The following CD96 variants were observed in gnomAD, a reference collection of about 807,000 sequenced individuals.
CD96 encodes the protein CD96 molecule, also known as T-cell surface protein tactile.
A neutral mutation model predicts 71.3 loss-of-function variants in CD96; 70 were observed. That is an observed-to-expected ratio of 0.98 (90% CI 0.81 to 1.20). The LOEUF is 1.20. CD96 is among the 50% of genes most tolerant of loss of function. The pLI is 0.00. For synonymous variants in CD96, 248 were observed against 233.0 expected (o/e 1.06, Z -0.59); for missense variants, 742 against 677.5 (o/e 1.10, Z -1.06).
chr3:111,584,740 C>T (rs901470548), intron 4 of CD96, among the ~76,000 whole-genome samples: 2 of 152,172 alleles, frequency 1.3e-5, no homozygotes, highest in African/African-American at 4.8e-5. Context: ...AATTACCTCT[C>T]GCTGGGTCTC....
chr3:111,542,395 G>T (rs1448191660), intron 1 of CD96, 86 bp downstream of exon 1: 7 of 815,676 alleles, frequency 8.6e-6, no homozygotes, highest in Non-Finnish European at 1.3e-5. Context: ...CCTTGTGACT[G>T]CTGCTGAAAT....
At chr3:111,645,284 A>G (rs943793382) in intron 12 of CD96, among the ~76,000 whole-genome samples, 2 of 152,170 alleles carry the variant, frequency 1.3e-5, no homozygotes, top group Admixed American at 6.6e-5. Flanking sequence ...AAAACCAAAC[A>G]TCATATGTTC....
chr3:111,577,623 T>G, intron 3 of CD96: 1 of 944,218 alleles, frequency 1.1e-6, no homozygotes, highest in Non-Finnish European at 1.8e-6. Flanking sequence ...ATACTATCTG[T>G]ATGTAAGACT....
chr3:111,583,543 T>A (rs1936567028), intron 4 of CD96, among the ~76,000 whole-genome samples: 1 of 152,218 alleles, frequency 6.6e-6, no homozygotes, highest in South Asian at 2.1e-4. Flanking sequence ...GGCCCCGCCC[T>A]TGCAGCAAAC....
At chr3:111,546,809 G>C (rs1934418304) in intron 2 of CD96, among the ~76,000 whole-genome samples, 1 of 151,836 alleles carries the variant, frequency 6.6e-6, no homozygotes, top group African/African-American at 2.4e-5. Context: ...TATGCTGTTG[G>C]AACAGTCCAC....
chr3:111,641,225 C>T (rs1228618015), intron 12 of CD96, among the ~76,000 whole-genome samples: 2 of 152,154 alleles, frequency 1.3e-5, no homozygotes, highest in South Asian at 2.1e-4. Flanking sequence ...AGAACTTACC[C>T]ATCAACTATT....
chr3:111,656,330 G>A (rs958519079), downstream of CD96, among the ~76,000 whole-genome samples: 5 of 152,152 alleles, frequency 3.3e-5, no homozygotes, highest in African/African-American at 9.7e-5. Context: ...CCATTTAGTT[G>A]TCATGAATTT....
At chr3:111,618,087 A>C (rs535072781) in intron 8 of CD96, among the ~76,000 whole-genome samples, 11 of 152,200 alleles carry the variant, frequency 7.2e-5, no homozygotes, top group Admixed American at 2.6e-4. Flanking sequence ...CTCAGCAGCC[A>C]GTGTGCCTGG....
intron 14 of CD96, among the ~76,000 whole-genome samples, chr3:111,659,938 C>G (rs750554849): frequency 2.6e-5 from 4 of 152,172 alleles, no homozygotes; most frequent in Non-Finnish European, 4.4e-5. Flanking sequence ...TAGGCAAAAG[C>G]TCAAGCCATT....
chr3:111,644,134 C>T lies in CD96; in HGVS notation c.1478-3409C>T, dbSNP rs141889142. ...AACAGCATGCTACTGGTATAAAATA[C>T]GCACATAGACCAATGGAACAGAATA... On this transcript the variant is annotated intron_variant, in intron 12 of 13. Transcript: ENST00000352690. 1.5e-3 allele frequency among the ~76,000 whole-genome samples: 228 copies of T among 152,112 alleles called. 1 individual carries two copies. Among genetic ancestry groups the T allele is most frequent in the African/African-American group, 4.8e-3 (200 of 41,530 alleles).
downstream of CD96, among the ~76,000 whole-genome samples, chr3:111,656,750 G>A (rs1940239326): frequency 1.3e-5 from 2 of 152,116 alleles, no homozygotes; most frequent in South Asian, 4.1e-4. Flanking sequence ...GGAAAAAGGT[G>A]AAGTACAAAG....
At chr3:111,657,460 A>C (rs12633995) in intron 14 of CD96, among the ~76,000 whole-genome samples, 1 of 151,654 alleles carries the variant, frequency 6.6e-6, no homozygotes, top group Non-Finnish European at 1.5e-5. Flanking sequence ...ACAAAATTTG[A>C]CTATATATTT....
chr3:111,645,462 A>G (rs1012115487), intron 12 of CD96, among the ~76,000 whole-genome samples: 13 of 152,048 alleles, frequency 8.5e-5, no homozygotes, highest in Non-Finnish European at 5.9e-5. Flanking sequence ...CTCACAAATC[A>G]CCACTAAAGA....
At chr3:111,585,259 C>A in intron 4 of CD96, 64 bp from the exon 5 acceptor site, 1 of 891,886 alleles carries the variant, frequency 1.1e-6, no homozygotes, top group African/African-American at 1.6e-5. Context: ...CACACACATA[C>A]ACACACTAGT....
rs149101142 is a variant in CD96 at position 111,579,069 on chromosome 3, C to T, written c.586C>T (p.Leu196Phe). 1.3e-4 allele frequency: 213 copies of T among 1,610,260 alleles called. No individual in the cohort carries two copies. The African/African-American group carries it at 2.6e-3, about 20-fold the overall frequency. ...GGAAACACTTATCTCCCAAAATCAC[C>T]TCATCAGCAATTCCACATTACTTAA... Reference protein sequence around the residue: ...TQETLISQNHLISNSTLLKDR... With the variant: ...TQETLISQNHFISNSTLLKDR... Residue 196 changes from leucine (L) to phenylalanine (F), a missense_variant, in exon 4 of 14, where the codon CTC becomes TTC. By Grantham distance (22) the Leu-to-Phe change is conservative (BLOSUM62 0). Coordinates refer to ENST00000352690, the MANE Select transcript of CD96 (RefSeq NM_005816.5).
At chr3:111,647,015 C>T (rs764733228) in intron 12 of CD96, among the ~76,000 whole-genome samples, 6 of 148,662 alleles carry the variant, frequency 4.0e-5, no homozygotes, top group Non-Finnish European at 8.9e-5. Context: ...AACTAAACAT[C>T]GAGTACATAT....
intron 8 of CD96, among the ~76,000 whole-genome samples, chr3:111,615,324 A>G (rs991714645): frequency 6.6e-6 from 1 of 152,236 alleles, no homozygotes; most frequent in Non-Finnish European, 1.5e-5. Flanking sequence ...GCCAAAGGTG[A>G]GGATGCTTGA....
At chr3:111,595,585 C>G (rs1042612355) in intron 5 of CD96, 3 of 151,940 alleles carry the variant, frequency 2.0e-5, no homozygotes, top group Admixed American at 6.6e-5. Flanking sequence ...GTAAGTCAAG[C>G]ACCTACAAGT....
chr3:111,590,624 C>G (rs963022441), intron 5 of CD96, among the ~76,000 whole-genome samples: 1 of 152,224 alleles, frequency 6.6e-6, no homozygotes, highest in East Asian at 1.9e-4. Context: ...TATGCATTCC[C>G]AAAGTCAAGA....
Sources: gnomAD v4.1 joint callset for allele counts (sites outside exome capture counted in the v4.1 genomes callset) on GRCh38, gnomAD v4.1.1 for gene constraint, MANE v1.5 for transcripts, NCBI Gene and HGNC (gene_info 2026-07-23, HGNC 2026-07-21) for gene names.